SMYD2: variants seen among roughly 807,000 people sequenced by gnomAD.
The protein encoded by SMYD2 is N-lysine methyltransferase SMYD2.
Under a neutral mutation model 59.1 loss-of-function variants are expected in SMYD2, and 53 were observed. The observed-to-expected ratio is 0.90, with a 90% CI of 0.72 to 1.13. The LOEUF (loss-of-function observed/expected upper bound fraction) is 1.13. Among genes scored for constraint, SMYD2 ranks in the 50% most tolerant of loss-of-function variants. The probability of loss-of-function intolerance (pLI) is 0.00; values close to 1 mark genes in which losing one functional copy is unlikely to be tolerated. For synonymous variants in SMYD2, 208 were observed against 198.8 expected (o/e 1.05, Z -0.39); for missense variants, 494 against 544.7 (o/e 0.91, Z 0.93).
chr1:214,330,313 A>ACTCTGAT, intron 8 of SMYD2, 35 bp downstream of exon 8: 1 of 1,397,512 alleles, frequency 7.2e-7, no homozygotes, highest in Non-Finnish European at 1.0e-6. Context: ...CGCTGACTGC[A>ACTCTGAT]CTCTGATCTC....
chr1:214,334,161 C>G, intron 10 of SMYD2, 39 bp from the exon 11 acceptor site: 3 of 1,590,004 alleles, frequency 1.9e-6, no homozygotes, highest in Non-Finnish European at 2.6e-6. Flanking sequence ...GCTCAGTAGC[C>G]GCTGACATGG....
chr1:214,310,605 G>A (rs1054232698), intron 2 of SMYD2, among the ~76,000 whole-genome samples: 4 of 150,074 alleles, frequency 2.7e-5, no homozygotes, highest in African/African-American at 9.8e-5. Flanking sequence ...GAAGAATAGT[G>A]GGAAAAGTTT....
chr1:214,302,506 C>G (rs1161229370), intron 1 of SMYD2, among the ~76,000 whole-genome samples: 2 of 152,196 alleles, frequency 1.3e-5, no homozygotes, highest in Non-Finnish European at 1.5e-5. Flanking sequence ...CTCTCACCAA[C>G]TCCCTGAAAG....
At chr1:214,334,724 C>G (rs1657409779) in intron 11 of SMYD2, among the ~76,000 whole-genome samples, 1 of 152,250 alleles carries the variant, frequency 6.6e-6, no homozygotes, top group Non-Finnish European at 1.5e-5. Flanking sequence ...TAATCATCCT[C>G]TCAGTTCATT....
In SMYD2 at chr1:214,327,691, C is replaced by A. The variant is rs1384472836; in HGVS notation, c.672C>A (p.Val224=). 6.2e-7 allele frequency: 1 copy of A among 1,614,028 alleles called. No homozygotes were observed. Among genetic ancestry groups the A allele is most frequent in the Non-Finnish European group, 8.5e-7 (1 of 1,180,026 alleles). ...CCTACAAAGGGACCCTGGCAGAAGT[C>A]AGAGCTGTACAGGAAATCAAGCCGG... ...IVTYKGTLAE[V]RAVQEIKPGE... The change falls in exon 7 of 12, where the codon GTC becomes GTA. Residue 224 remains valine, a synonymous_variant. Transcript: ENST00000366957.
chr1:214,284,317 G>A (rs533387790), intron 1 of SMYD2, among the ~76,000 whole-genome samples: 2 of 132,448 alleles, frequency 1.5e-5, no homozygotes, highest in Admixed American at 8.5e-5. Flanking sequence ...CTGGAGTGCA[G>A]TGGCGTGATC....
At chr1:214,286,450 A>G (rs763197086) in intron 1 of SMYD2, among the ~76,000 whole-genome samples, 20 of 151,990 alleles carry the variant, frequency 1.3e-4, no homozygotes, top group Admixed American at 6.6e-4. Context: ...CTGGAAGACA[A>G]AGTGAGACCC....
At chr1:214,323,041 G>A (rs144359570) in intron 5 of SMYD2, among the ~76,000 whole-genome samples, 39 of 152,272 alleles carry the variant, frequency 2.6e-4, no homozygotes, top group African/African-American at 7.5e-4. Flanking sequence ...TCATAGCAGC[G>A]TGGGACAAGC....
At chr1:214,297,199 GA>G (rs1475237213) in intron 1 of SMYD2, among the ~76,000 whole-genome samples, 14 of 152,202 alleles carry the variant, frequency 9.2e-5, no homozygotes, top group African/African-American at 3.4e-4. Flanking sequence ...CATACCAATT[GA>G]ATGAGAACTG....
At chr1:214,324,532 C>A in intron 5 of SMYD2, 109 bp from the exon 6 acceptor site, 2 of 975,754 alleles carry the variant, frequency 2.0e-6, no homozygotes, top group East Asian at 2.4e-5. Flanking sequence ...AAAACCACTA[C>A]ACCAAAACAT....
chr1:214,330,062 G>A (rs1018382691), intron 7 of SMYD2, 106 bp from the exon 8 acceptor site: 16 of 660,618 alleles, frequency 2.4e-5, no homozygotes, highest in South Asian at 1.7e-4. Context: ...GCTGCAGCCC[G>A]CCTTATCCTC....
intron 1 of SMYD2, among the ~76,000 whole-genome samples, chr1:214,297,511 G>A (rs1392602836): frequency 6.6e-6 from 1 of 152,140 alleles, no homozygotes; most frequent in Admixed American, 6.5e-5. Flanking sequence ...CTCTCTGGCT[G>A]TAACTCCTCA....
In SMYD2 at chr1:214,314,686, C is replaced by G. The variant is rs1657052060; in HGVS notation, c.238-76C>G. 2.8e-6 allele frequency: 3 copies of G among 1,054,302 alleles called. No homozygotes were observed. The East Asian group carries it at 7.2e-5, about 25-fold the overall frequency. 65.3% of individuals were successfully genotyped at this position (1,054,302 alleles called of 1,614,324 possible). A position where few individuals can be genotyped will look rare whatever the true frequency, so the allele number is the denominator to read the frequency against. On this transcript the variant is annotated intron_variant, in intron 2 of 11. Transcript: ENST00000366957. ...TTACTTGACCTTAACTAGGGGGACT[C>G]ACTGCATCCTCTCCTCTCACACTTT...
intron 7 of SMYD2, among the ~76,000 whole-genome samples, chr1:214,328,147 T>TG (rs1657292855): frequency 6.6e-6 from 1 of 152,174 alleles, no homozygotes; most frequent in Admixed American, 6.5e-5. Context: ...GGTGAATTCT[T>TG]GCTTGTTCCC....
chr1:214,284,254 G>GTTTTTTTTTTTTTT (rs34049644), intron 1 of SMYD2, among the ~76,000 whole-genome samples: 1 of 90,364 alleles, frequency 1.1e-5, no homozygotes, highest in Non-Finnish European at 2.0e-5. Context: ...TTTTGGTGTG[G>GTTTTTTTTTTTTTT]TTTTTTTTTT....
chr1:214,300,601 T>C (rs1656805936), intron 1 of SMYD2, among the ~76,000 whole-genome samples: 1 of 152,218 alleles, frequency 6.6e-6, no homozygotes, highest in African/African-American at 2.4e-5. Context: ...CTATGCTTTG[T>C]TGTTACTATT....
chr1:214,303,729 G>A (rs929757033), intron 1 of SMYD2, among the ~76,000 whole-genome samples: 10 of 152,210 alleles, frequency 6.6e-5, no homozygotes, highest in Non-Finnish European at 1.0e-4. Flanking sequence ...ACGAGAAGCC[G>A]CGGAGGATTC....
intron 1 of SMYD2, among the ~76,000 whole-genome samples, chr1:214,288,673 TA>T (rs1198785532): frequency 4.6e-5 from 7 of 152,252 alleles, no homozygotes; most frequent in Non-Finnish European, 5.9e-5. Context: ...ATCTTAGATC[TA>T]TATTTTATGC....
At chr1:214,310,147 C>T (rs1035162412) in intron 2 of SMYD2, among the ~76,000 whole-genome samples, 1 of 152,218 alleles carries the variant, frequency 6.6e-6, no homozygotes, top group East Asian at 1.9e-4. Context: ...AACTGGATGC[C>T]ATAATAATCA....
Sources: allele counts gnomAD v4.1 joint callset (sites outside exome capture counted in the v4.1 genomes callset), GRCh38; gene constraint gnomAD v4.1.1; transcripts MANE v1.5; gene names NCBI Gene and HGNC (gene_info 2026-07-23, HGNC 2026-07-21).